NCOA2: variants seen among roughly 807,000 people sequenced by gnomAD.
The protein encoded by NCOA2 is nuclear receptor coactivator 2, also known as class E basic helix-loop-helix protein 75.
Under a neutral mutation model 145.1 loss-of-function variants are expected in NCOA2, and 21 were observed. The observed-to-expected ratio is 0.14, with a 90% CI of 0.10 to 0.21. The LOEUF is 0.21. Among genes scored for constraint, NCOA2 ranks in the 10% least tolerant of loss-of-function variants. The pLI is 1.00. For synonymous variants in NCOA2, 619 were observed against 637.5 expected, an observed-to-expected ratio of 0.97 and a Z score of 0.44; for missense variants, 1,472 against 1,837.6, an observed-to-expected ratio of 0.80 and a Z score of 3.64.
At chr8:70,298,079 A>G (rs1031154480) in intron 1 of NCOA2, among the ~76,000 whole-genome samples, 2 of 152,218 alleles carry the variant, frequency 1.3e-5, no homozygotes, top group Non-Finnish European at 2.9e-5. Flanking sequence ...CTAAGCTACT[A>G]GATTTTTCTT....
intron 16 of NCOA2, among the ~76,000 whole-genome samples, chr8:70,130,965 C>A (rs2131565078): frequency 6.6e-6 from 1 of 152,340 alleles, no homozygotes; most frequent in East Asian, 1.9e-4. Flanking sequence ...TTTACTATAT[C>A]ATTGCTATCA....
intron 4 of NCOA2, among the ~76,000 whole-genome samples, chr8:70,197,770 T>G (rs928756440): frequency 6.6e-6 from 1 of 152,204 alleles, no homozygotes; most frequent in African/African-American, 2.4e-5. Flanking sequence ...ATTATTCTAT[T>G]CATACCTTCT....
chr8:70,145,684 T>C (rs1360566003), intron 12 of NCOA2, among the ~76,000 whole-genome samples: 2 of 151,032 alleles, frequency 1.3e-5, no homozygotes, highest in Non-Finnish European at 2.9e-5. Flanking sequence ...AGCAGCACAA[T>C]TGTAGTTAAC....
chr8:70,371,626 C>T (rs1236635026), intron 1 of NCOA2, among the ~76,000 whole-genome samples: 1 of 152,120 alleles, frequency 6.6e-6, no homozygotes, highest in Non-Finnish European at 1.5e-5. Flanking sequence ...TATTGGCTAG[C>T]AATGAAAACT....
chr8:70,273,785 T>C (rs1352220016), intron 2 of NCOA2: 1 of 584,978 alleles, frequency 1.7e-6, no homozygotes, highest in East Asian at 4.1e-5. Flanking sequence ...ATGATGATGA[T>C]GAAGTTCCAG....
At chr8:70,343,765 C>T (rs981267104) in intron 1 of NCOA2, among the ~76,000 whole-genome samples, 3 of 150,488 alleles carry the variant, frequency 2.0e-5, no homozygotes, top group Non-Finnish European at 3.0e-5. Context: ...GAGCCAAGAT[C>T]GTGCCACTGC....
At chr8:70,188,961 C>A (rs1816372612) in intron 4 of NCOA2, among the ~76,000 whole-genome samples, 1 of 152,150 alleles carries the variant, frequency 6.6e-6, no homozygotes, top group Admixed American at 6.5e-5. Flanking sequence ...TGATTTAACT[C>A]TCAGTAGAAT....
At chr8:70,369,391 A>G (rs986021922) in intron 1 of NCOA2, among the ~76,000 whole-genome samples, 3 of 152,366 alleles carry the variant, frequency 2.0e-5, no homozygotes, top group African/African-American at 2.4e-5. Flanking sequence ...AGATTTTCTT[A>G]AAGTGTATAT....
intron 4 of NCOA2, among the ~76,000 whole-genome samples, chr8:70,194,676 C>CTTTTTTTTTTTT (rs199803538): frequency 3.6e-5 from 4 of 109,906 alleles, no homozygotes; most frequent in Non-Finnish European, 7.7e-5. Flanking sequence ...CTTTTATCTT[C>CTTTTTTTTTTTT]TTTTTTTTTT....
At chr8:70,227,129 G>A (rs984833520) in intron 2 of NCOA2, among the ~76,000 whole-genome samples, 2 of 152,186 alleles carry the variant, frequency 1.3e-5, no homozygotes, top group Non-Finnish European at 2.9e-5. Flanking sequence ...AGCCCTTTGT[G>A]GGCTCCAGGC....
the NCOA2 span, among the ~76,000 whole-genome samples, chr8:70,453,333 C>A: frequency 3.9e-4 from 60 of 152,210 alleles, no homozygotes; most frequent in African/African-American, 1.4e-3. Flanking sequence ...CCTACAGTTG[C>A]TGAGTGGTCC....
chr8:70,240,954 G>A (rs1030558405), intron 2 of NCOA2, among the ~76,000 whole-genome samples: 4 of 152,114 alleles, frequency 2.6e-5, no homozygotes, highest in Non-Finnish European at 5.9e-5. Flanking sequence ...GAATCTCCAA[G>A]TGGGAGGGGC....
chr8:70,176,159 A>G (rs1814816435), intron 4 of NCOA2, among the ~76,000 whole-genome samples: 1 of 152,254 alleles, frequency 6.6e-6, no homozygotes, highest in South Asian at 2.1e-4. Flanking sequence ...AAAAATACAA[A>G]GAAGTTTACA....
At chr8:70,122,231 A>G (rs1201002407) in intron 21 of NCOA2, among the ~76,000 whole-genome samples, 2 of 152,164 alleles carry the variant, frequency 1.3e-5, no homozygotes, top group East Asian at 3.8e-4. Flanking sequence ...AAATAAAAGC[A>G]TAGATATCTC....
intron 1 of NCOA2, among the ~76,000 whole-genome samples, chr8:70,368,400 T>G (rs570697652): frequency 6.6e-6 from 1 of 152,204 alleles, no homozygotes; most frequent in Non-Finnish European, 1.5e-5. Context: ...AAAGCAGAGT[T>G]TTAGAAAACT....
At chr8:70,317,906 CAG>C (rs1196237824) in intron 1 of NCOA2, among the ~76,000 whole-genome samples, 2 of 151,732 alleles carry the variant, frequency 1.3e-5, no homozygotes, top group Admixed American at 6.6e-5. Flanking sequence ...GCCTGGGTGA[CAG>C]AGTGAGACCC....
chr8:70,234,550 T>A (rs1158770587), intron 2 of NCOA2, among the ~76,000 whole-genome samples: 3 of 152,238 alleles, frequency 2.0e-5, no homozygotes, highest in Non-Finnish European at 4.4e-5. Flanking sequence ...CTTTTTAAGT[T>A]ATAGCCATCC....
chr8:70,145,665 C>A (rs555414808), intron 12 of NCOA2, among the ~76,000 whole-genome samples: 14 of 148,338 alleles, frequency 9.4e-5, no homozygotes, highest in Non-Finnish European at 2.1e-4. Context: ...GTTGTGCCAG[C>A]TGGAGTGTAG....
At chr8:70,121,012 C>T (rs1182437575) in intron 22 of NCOA2, among the ~76,000 whole-genome samples, 2 of 152,004 alleles carry the variant, frequency 1.3e-5, no homozygotes, top group Non-Finnish European at 2.9e-5. Context: ...TAGTATCATT[C>T]CAGGGCAAAA....
Sources: gnomAD v4.1 joint callset for allele counts (sites outside exome capture counted in the v4.1 genomes callset) on GRCh38, gnomAD v4.1.1 for gene constraint, MANE v1.5 for transcripts, NCBI Gene and HGNC (gene_info 2026-07-23, HGNC 2026-07-21) for gene names.